Variants in EXOC1 observed in about 807,000 individuals in gnomAD.
The protein encoded by EXOC1 is exocyst complex component 1, also known as SEC3-like 1.
EXOC1 carries 67 observed loss-of-function variants against 107.7 expected under a neutral mutation model. The observed-to-expected ratio is 0.62, with a 90% CI of 0.51 to 0.76. EXOC1 has a LOEUF of 0.76. Ranked by LOEUF, EXOC1 falls within the 30% of genes least tolerant of loss-of-function variation. The pLI, the probability that EXOC1 is intolerant of heterozygous loss-of-function variation, is 0.00. For missense variants in EXOC1, 833 were observed against 1,055.7 expected, an observed-to-expected ratio of 0.79 and a Z score of 2.92; for synonymous variants, 348 against 353.5, an observed-to-expected ratio of 0.98 and a Z score of 0.17.
In EXOC1 at chr4:55,893,696, A is replaced by G. The variant is rs1290946751; in HGVS notation, c.1869A>G (p.Ala623=). 5.0e-6 allele frequency: 8 copies of G among 1,614,064 alleles called. No homozygotes were observed. In the Admixed American group the frequency reaches 1.0e-4, roughly 20 times the overall value. ...AAATGAGTCATCATGTGTGGACTGC[A>G]CAAAATGTGGACCCTGCTTCTTTCC... is the stretch of plus-strand genomic sequence containing the variant. ...LVKMSHHVWT[A]QNVDPASFLS... is the part of the protein sequence containing the mutation. The change falls in exon 15 of 19, where the codon GCA becomes GCG. Residue 623 remains alanine, a synonymous_variant. Coordinates refer to ENST00000381295, the MANE Select transcript of EXOC1 (RefSeq NM_001024924.2).
At position 55,871,166 on chromosome 4, in the gene EXOC1, A is replaced by C. The variant is rs559479724; in HGVS notation, c.897A>C (p.Arg299Ser). ...AGGAAGGAGATCTTGCTTCTTCCAGAGGCATTGAGGCCTGCACCAATGCTG... is the reference window on the plus strand; with the variant it reads ...AGGAAGGAGATCTTGCTTCTTCCAGCGGCATTGAGGCCTGCACCAATGCTG... ...ALQEGDLASS[R>S]GIEACTNAAD... is the part of the protein sequence containing the mutation. The change falls in exon 7 of 19, where the codon AGA (arginine) becomes AGC (serine). Residue 299 changes from arginine to serine, a missense_variant. By Grantham distance (110) the Arg-to-Ser change is moderately radical (BLOSUM62 -1). Transcript: ENST00000381295. 6.2e-7 allele frequency: 1 copy of C among 1,613,902 alleles called. No homozygotes were observed. Among genetic ancestry groups the C allele is most frequent in the Non-Finnish European group, 8.5e-7 (1 of 1,179,878 alleles).
chr4:55,902,937 A>T lies in EXOC1; in HGVS notation c.2532+399A>T, dbSNP rs571936856. ...AGTGGAAACGATACATCTCTTGTAC[A>T]GTAGCCACTGTATTGGGCAACATAG... On this transcript the variant is annotated intron_variant, in intron 18 of 18. Transcript: ENST00000381295. Among the ~76,000 whole-genome samples the T allele has an allele frequency of 2.0e-5, 3 of 152,086 alleles. No homozygotes were observed. In the East Asian group the frequency reaches 5.8e-4, roughly 29 times the overall value.
Position 55,892,440 on chromosome 4 carries a change from A to G in EXOC1, c.1648-195A>G, listed in dbSNP as rs1724670066. Among the ~76,000 whole-genome samples, 3 of 152,188 alleles carry G rather than the reference A, an allele frequency of 2.0e-5. 1 individual carries two copies. Among genetic ancestry groups the G allele is most frequent in the Admixed American group, 2.0e-4 (3 of 15,276 alleles). On this transcript the variant is annotated intron_variant, in intron 13 of 18. Coordinates refer to ENST00000381295, the MANE Select transcript of EXOC1 (RefSeq NM_001024924.2). ...CACAAAAGTTCTTGGATAAAACCTA[A>G]GAAGAGTATCTCATGAACATTCTTA...
chr4:55,897,639 C>T (rs1471753544), intron 16 of EXOC1, among the ~76,000 whole-genome samples: 2 of 151,238 alleles, frequency 1.3e-5, no homozygotes, highest in South Asian at 2.1e-4. Flanking sequence ...AAAATGGAAT[C>T]ATCTCACCAA....
At chr4:55,860,677 C>T in intron 3 of EXOC1, 136 bp downstream of exon 3, 1 of 999,266 alleles carries the variant, frequency 1.0e-6, no homozygotes, top group Non-Finnish European at 1.4e-6. Context: ...TTTTTTTAAG[C>T]TATAATTATG....
At chr4:55,864,822 T>A (rs992834483) in intron 4 of EXOC1, among the ~76,000 whole-genome samples, 1 of 152,234 alleles carries the variant, frequency 6.6e-6, no homozygotes, top group African/African-American at 2.4e-5. Context: ...ATTTATTTTT[T>A]AATTTTCCAA....
chr4:55,871,881 C>G lies in EXOC1; in HGVS notation c.997C>G (p.Gln333Glu), dbSNP rs1236128652. Residue 333 changes from glutamine (Q) to glutamate (E), a missense_variant, in exon 8 of 19, where the codon CAG becomes GAG. By Grantham distance (29) the Gln-to-Glu change is conservative. Around this residue, in one of 2 missense-constraint regions of EXOC1, gnomAD observed 617 missense variants for 701.3 expected, o/e 0.88. Coordinates refer to ENST00000381295, the MANE Select transcript of EXOC1 (RefSeq NM_001024924.2). ...HDLLLAVKQQQQRFSDLRELF... is the reference protein window; with the variant it reads ...HDLLLAVKQQEQRFSDLRELF... ...CTTGCTTCTGGCAGTCAAACAGCAA[C>G]AGCAGCGATTCAGTGATTTGCGAGA... The G allele has an allele frequency of 6.2e-7, 1 of 1,613,816 alleles. No individual in the cohort carries two copies. Among genetic ancestry groups the G allele is most frequent in the Non-Finnish European group, 8.5e-7 (1 of 1,179,812 alleles).
At chr4:55,891,503 G>T (rs975096824) in intron 13 of EXOC1, 81 bp downstream of exon 13, 1 of 931,508 alleles carries the variant, frequency 1.1e-6, no homozygotes, top group Non-Finnish European at 1.7e-6. Flanking sequence ...ACAATTTTAT[G>T]ATCAGAAGAG....
Position 55,858,321 on chromosome 4 carries a change from A to G in EXOC1, c.-3A>G. On this transcript the variant is annotated 5_prime_UTR_variant, in exon 2 of 19. Coordinates refer to ENST00000381295, the MANE Select transcript of EXOC1 (RefSeq NM_001024924.2). Reference sequence around the variant, plus strand: ...ATACTCCACATTTTTCAGCTGAGAAAAGATGACAGCAATCAAGCATGCATT... The same window carrying G: ...ATACTCCACATTTTTCAGCTGAGAAGAGATGACAGCAATCAAGCATGCATT... 3.1e-6 allele frequency: 5 copies of G among 1,604,040 alleles called. No homozygotes were observed. Among genetic ancestry groups the G allele is most frequent in the Non-Finnish European group, 4.3e-6 (5 of 1,175,826 alleles).
chr4:55,891,222 A>G (rs1215479933), intron 12 of EXOC1, 93 bp from the exon 13 acceptor site: 11 of 752,602 alleles, frequency 1.5e-5, no homozygotes, highest in Admixed American at 2.2e-5. Flanking sequence ...TTATGGATCC[A>G]TGGTCTGTGC....
intron 17 of EXOC1, 134 bp downstream of exon 17, chr4:55,900,018 C>A: frequency 1.6e-6 from 1 of 617,706 alleles, no homozygotes; most frequent in East Asian, 2.9e-5. Context: ...ATTGAAGCTG[C>A]CAGTGTGCCA....
At chr4:55,882,182 C>T (rs781296086) in intron 9 of EXOC1, among the ~76,000 whole-genome samples, 20 of 151,888 alleles carry the variant, frequency 1.3e-4, no homozygotes, top group Non-Finnish European at 2.8e-4. Context: ...ACTCTGACAC[C>T]CAGGCTGGAA....
intron 18 of EXOC1, among the ~76,000 whole-genome samples, chr4:55,902,766 G>A (rs1726104280): frequency 1.1e-5 from 1 of 88,826 alleles, no homozygotes; most frequent in Admixed American, 1.5e-4. Context: ...CATTAAGTTT[G>A]TTTTTCTTTG....
At chr4:55,897,199 T>G (rs943933300) in intron 16 of EXOC1, among the ~76,000 whole-genome samples, 3 of 151,548 alleles carry the variant, frequency 2.0e-5, no homozygotes, top group Non-Finnish European at 2.9e-5. Flanking sequence ...TGATCTTGGC[T>G]CACTGCAACC....
chr4:55,901,422 A>G (rs1019752744), intron 17 of EXOC1, among the ~76,000 whole-genome samples: 6 of 152,162 alleles, frequency 3.9e-5, no homozygotes, highest in Admixed American at 6.6e-5. Flanking sequence ...GTTTGTCAGC[A>G]TTAATTCTTT....
At chr4:55,875,375 A>G (rs1416976962) in intron 8 of EXOC1, 2 of 929,444 alleles carry the variant, frequency 2.2e-6, no homozygotes, top group African/African-American at 3.6e-5. Context: ...TTTTTTAAGA[A>G]AAGAATAAGT....
chr4:55,878,056 G>T lies in EXOC1; in HGVS notation c.1214G>T (p.Gly405Val), dbSNP rs1723061318. 6.2e-7 allele frequency: 1 copy of T among 1,612,944 alleles called. No individual in the cohort carries two copies. The highest frequency in any genetic ancestry group is 1.3e-5 in the African/African-American group (1 of 74,954). Reference sequence around the variant, plus strand: ...AGTACAGATTATGGAAAATATGAAGGACTAACAAAGGTATGGATTTGACGT... The same window carrying T: ...AGTACAGATTATGGAAAATATGAAGTACTAACAAAGGTATGGATTTGACGT... The part of the protein sequence containing the change: ...LKSTDYGKYE[G>V]LTKNYMDYLS... The change falls in exon 9 of 19, where the codon GGA becomes GTA. Residue 405 changes from glycine (G) to valine (V), a missense_variant. Gly to Val is a moderately radical substitution (Grantham distance 109, BLOSUM62 -3). Coordinates refer to ENST00000381295, the MANE Select transcript of EXOC1 (RefSeq NM_001024924.2).
intron 8 of EXOC1, chr4:55,875,631 C>G (rs770416865): frequency 4.1e-6 from 4 of 985,092 alleles, no homozygotes; most frequent in Non-Finnish European, 4.8e-6. Context: ...AATTTTGAGT[C>G]TTGAATCATT....
At position 55,877,959 on chromosome 4, in the gene EXOC1, C is replaced by T. The variant is rs779671970; in HGVS notation, c.1117C>T (p.Leu373=). The T allele has an allele frequency of 9.3e-6, 15 of 1,613,846 alleles. No homozygotes were observed. Among genetic ancestry groups the T allele is most frequent in the South Asian group, 2.2e-5 (2 of 91,068 alleles). Residue 373 remains leucine, a synonymous_variant, in exon 9 of 19, where the codon CTG becomes TTG. Transcript: ENST00000381295. ...GACTCTTGCCCAACACTCTGTTGAA[C>T]TGACTTTACCCAATCATCATCCATT... is the stretch of plus-strand genomic sequence containing the variant. The part of the protein sequence containing the change: ...SSTLAQHSVE[L]TLPNHHPFHR...
Sources: gnomAD v4.1 joint callset for allele counts (sites outside exome capture counted in the v4.1 genomes callset) on GRCh38, gnomAD v4.1.1 for gene constraint, gnomAD v4.1.1 regional missense constraint, MANE v1.5 for transcripts, NCBI Gene and HGNC (gene_info 2026-07-23, HGNC 2026-07-21) for gene names.